Variants in TENM3 observed in about 807,000 individuals in gnomAD.
The protein encoded by TENM3 is teneurin-3.
A neutral mutation model predicts 255.1 loss-of-function variants in TENM3; 63 were observed. That is an observed-to-expected ratio of 0.25 (90% CI 0.20 to 0.30). TENM3 has a LOEUF of 0.30. TENM3 is among the 10% of genes least tolerant of loss of function. TENM3 has a pLI of 1.00. For synonymous variants in TENM3, 1,306 were observed against 1,322.3 expected, an observed-to-expected ratio of 0.99 and a Z score of 0.27; for missense variants, 2,929 against 3,461.1, an observed-to-expected ratio of 0.85 and a Z score of 3.86.
In TENM3 at chr4:182,681,942, C is replaced by G; in HGVS notation, c.1963C>G (p.His655Asp). The G allele has an allele frequency of 6.2e-7, 1 of 1,613,976 alleles. No individual in the cohort carries two copies. The highest frequency in any genetic ancestry group is 2.2e-5 in the East Asian group (1 of 44,874). ...CATGTGTCCAGACCAGTGCTCCGGC[C>G]ACGGAACGTATCTTCAAGAAAGTGG... is the stretch of plus-strand genomic sequence containing the variant. ...KTMCPDQCSGHGTYLQESGSC... is the reference protein window; with the variant it reads ...KTMCPDQCSGDGTYLQESGSC... Residue 655 changes from histidine (H) to aspartate (D), a missense_variant, in exon 11 of 28, where the codon CAC becomes GAC. Coordinates refer to ENST00000511685, the MANE Select transcript of TENM3 (RefSeq NM_001080477.4).
rs560548897 is a variant in TENM3 at position 182,726,623 on chromosome 4, A to G, written c.2369-2342A>G. Reference sequence around the variant, plus strand: ...CAAACAGGAAGGGAAGGTTATGCACATGGCCTGAGAGGTGGGGAAGGCCGG... The same window carrying G: ...CAAACAGGAAGGGAAGGTTATGCACGTGGCCTGAGAGGTGGGGAAGGCCGG... On this transcript the variant is annotated intron_variant, in intron 13 of 27. Coordinates refer to ENST00000511685, the MANE Select transcript of TENM3 (RefSeq NM_001080477.4). Among the ~76,000 whole-genome samples the G allele has an allele frequency of 3.5e-4, 53 of 152,220 alleles. 2 individuals are homozygous for G. In the South Asian group the frequency reaches 9.5e-3, roughly 27 times the overall value.
the TENM3 span, among the ~76,000 whole-genome samples, chr4:181,888,588 A>ATGTGTGTGTGTG: frequency 4.4e-4 from 7 of 16,022 alleles, no homozygotes; most frequent in Admixed American, 1.0e-3. Flanking sequence ...ACATATATAT[A>ATGTGTGTGTGTG]TGCGTGTGTG....
chr4:182,360,657 G>T (rs1765900196), intron 3 of TENM3, among the ~76,000 whole-genome samples: 1 of 151,978 alleles, frequency 6.6e-6, no homozygotes, highest in Non-Finnish European at 1.5e-5. Context: ...CACACTGATG[G>T]GTCTTGACTC....
chr4:182,224,344 C>T (rs1423969906), intron 1 of TENM3, among the ~76,000 whole-genome samples: 1 of 152,106 alleles, frequency 6.6e-6, no homozygotes, highest in African/African-American at 2.4e-5. Context: ...ATATTTCTGG[C>T]TGGAATTCTC....
intron 3 of TENM3, among the ~76,000 whole-genome samples, chr4:182,577,223 TC>T (rs1341984349): frequency 6.6e-6 from 1 of 152,234 alleles, no homozygotes; most frequent in Non-Finnish European, 1.5e-5. Context: ...TAATACTTCA[TC>T]TCTCTGTATA....
Position 182,621,731 on chromosome 4 carries a change from A to AT in TENM3, c.750-6919dup, listed in dbSNP as rs1189092937. On this transcript the variant is annotated intron_variant, in intron 4 of 27. Coordinates refer to ENST00000511685, the MANE Select transcript of TENM3 (RefSeq NM_001080477.4). ...ATATATAATATATATTATATATAAA[A>AT]TATATAATATATAATATATTATAAT... Among the ~76,000 whole-genome samples, 56 of 7,350 alleles carry AT rather than the reference A, an allele frequency of 7.6e-3. 3 individuals carry two copies. The highest frequency in any genetic ancestry group is 0.011 in the African/African-American group (52 of 4,878). The allele number at this position is 7,350 out of a possible 152,430, so 4.8% of individuals were successfully genotyped here.
chr4:181,890,280 G>A, the TENM3 span, among the ~76,000 whole-genome samples: 1 of 152,158 alleles, frequency 6.6e-6, no homozygotes, highest in Non-Finnish European at 1.5e-5. Flanking sequence ...AGCCCAAGGG[G>A]TGCATGCTGG....
intron 6 of TENM3, among the ~76,000 whole-genome samples, chr4:182,655,945 A>C (rs970575445): frequency 1.3e-5 from 2 of 152,154 alleles, no homozygotes; most frequent in Admixed American, 1.3e-4. Context: ...CATTTTTAAC[A>C]AACGCCACTT....
In TENM3 at chr4:182,557,926, G is replaced by A. The variant is rs140486858; in HGVS notation, c.512-42998G>A. Among the ~76,000 whole-genome samples, 419 of 152,226 alleles carry A rather than the reference G, an allele frequency of 2.8e-3. 1 individual carries two copies. The highest frequency in any genetic ancestry group is 9.2e-3 in the African/African-American group (382 of 41,526). ...AACTATCAAAATGTCTAACCTGCCC[G>A]TTACTCAGTTGCAGTCCTAGTTTAC... On this transcript the variant is annotated intron_variant, in intron 3 of 27. Transcript: ENST00000511685.
intron 5 of TENM3, among the ~76,000 whole-genome samples, chr4:182,647,055 A>G (rs1752817006): frequency 6.6e-6 from 1 of 152,182 alleles, no homozygotes; most frequent in South Asian, 2.1e-4. Context: ...AACATGCTTA[A>G]GTTGAAGGAG....
At chr4:182,146,386 T>C (rs1420362513) in intron 1 of TENM3, among the ~76,000 whole-genome samples, 1 of 152,196 alleles carries the variant, frequency 6.6e-6, no homozygotes, top group African/African-American at 2.4e-5. Flanking sequence ...TAAGACTTGC[T>C]AATCCCACTT....
chr4:182,182,336 A>G (rs1579627695), intron 1 of TENM3, among the ~76,000 whole-genome samples: 1 of 152,284 alleles, frequency 6.6e-6, no homozygotes, highest in East Asian at 1.9e-4. Context: ...GTTATTTCTA[A>G]GCTTGAACTT....
the TENM3 span, among the ~76,000 whole-genome samples, chr4:181,530,822 T>G: frequency 6.6e-6 from 1 of 152,236 alleles, no homozygotes; most frequent in African/African-American, 2.4e-5. Context: ...TGTGCATGTA[T>G]GTACGTGGGT....
At chr4:181,845,583 T>TA in the TENM3 span, among the ~76,000 whole-genome samples, 7 of 152,236 alleles carry the variant, frequency 4.6e-5, no homozygotes, top group Non-Finnish European at 8.8e-5. Context: ...CTGGCACACT[T>TA]ACTTTGCCAT....
Position 182,793,716 on chromosome 4 carries a change from A to C in TENM3, c.7044A>C (p.Lys2348Asn). The change falls in exon 26 of 28, where the codon AAA (lysine) becomes AAC (asparagine). Residue 2348 changes from lysine to asparagine, a missense_variant. Around this residue, in one of 6 missense-constraint regions of TENM3, gnomAD observed 256 missense variants for 389.3 expected, o/e 0.66. Coordinates refer to ENST00000511685, the MANE Select transcript of TENM3 (RefSeq NM_001080477.4). This position sits in a 1 kb window ranked among gnomAD's most constrained non-coding sequence, Gnocchi z 5.7. ...GTGGCCTGTATGACCCACTCACCAA[A>C]TTAATCCACTTTGGAGAAAGAGATT... ...FHGGLYDPLT[K>N]LIHFGERDYD... 1 of 1,614,050 alleles carries C rather than the reference A, an allele frequency of 6.2e-7. No individual in the cohort carries two copies. The highest frequency in any genetic ancestry group is 8.5e-7 in the Non-Finnish European group (1 of 1,179,888).
the TENM3 span, among the ~76,000 whole-genome samples, chr4:181,635,039 T>C: frequency 6.6e-6 from 1 of 152,180 alleles, no homozygotes; most frequent in Non-Finnish European, 1.5e-5. Context: ...TTGTGAGACC[T>C]ATCTCTGAAA....
At chr4:182,672,972 T>C (rs542477781) in intron 6 of TENM3, 33 bp from the exon 7 acceptor site, 4 of 1,405,082 alleles carry the variant, frequency 2.8e-6, no homozygotes, top group Admixed American at 2.5e-5. Flanking sequence ...TTAAAAAAAA[T>C]TTGTTCTTCA....
chr4:182,100,804 T>TACTC, the TENM3 span, among the ~76,000 whole-genome samples: 4 of 1,896 alleles, frequency 2.1e-3, 2 homozygotes, highest in African/African-American at 2.7e-3. Flanking sequence ...TACACATATA[T>TACTC]ATACACATAT....
chr4:182,053,969 C>T, the TENM3 span, among the ~76,000 whole-genome samples: 7 of 152,086 alleles, frequency 4.6e-5, no homozygotes, highest in South Asian at 2.1e-4. Context: ...CTCTTCCTCC[C>T]GAGTCTGTAG....
Sources: allele counts gnomAD v4.1 joint callset (sites outside exome capture counted in the v4.1 genomes callset), GRCh38; gene constraint gnomAD v4.1.1; regional missense constraint gnomAD v4.1.1; non-coding constraint Gnocchi (gnomAD v3.1); transcripts MANE v1.5; gene names NCBI Gene and HGNC (gene_info 2026-07-23, HGNC 2026-07-21).